The following PUM3 variants were observed in gnomAD, a reference collection of about 807,000 sequenced individuals.
PUM3 encodes pumilio RNA binding family member 3, also known as pumilio homolog 3.
A neutral mutation model predicts 84.0 loss-of-function variants in PUM3; 91 were observed. The ratio of observed to expected loss-of-function variants is 1.08; its 90% CI spans 0.91 to 1.29. The LOEUF (loss-of-function observed/expected upper bound fraction) is 1.29, where lower values mean the gene tolerates loss of function less well. Ranked by LOEUF, PUM3 falls within the 50% of genes most tolerant of loss-of-function variation. The probability of loss-of-function intolerance (pLI) is 0.00; values close to 1 mark genes in which losing one functional copy is unlikely to be tolerated. For synonymous variants in PUM3, 321 were observed against 266.7 expected (o/e 1.20, Z -1.98); for missense variants, 1,067 against 767.5 (o/e 1.39, Z -4.61).
chr9:2,804,960 A>C (rs563374722), intron 17 of PUM3, among the ~76,000 whole-genome samples: 1 of 151,954 alleles, frequency 6.6e-6, no homozygotes, highest in Non-Finnish European at 1.5e-5. Flanking sequence ...TTCTCACTGA[A>C]CTCCACAGCA....
intron 9 of PUM3, among the ~76,000 whole-genome samples, chr9:2,828,286 C>T (rs1317383039): frequency 1.3e-5 from 2 of 152,162 alleles, no homozygotes; most frequent in Non-Finnish European, 2.9e-5. Flanking sequence ...AGTGATTCTC[C>T]CAGCTTGGTT....
intron 17 of PUM3, among the ~76,000 whole-genome samples, chr9:2,806,345 T>A (rs997688218): frequency 2.4e-4 from 36 of 152,198 alleles, no homozygotes; most frequent in Non-Finnish European, 3.1e-4. Flanking sequence ...CAAAATGATC[T>A]GTAACACTTA....
chr9:2,826,376 G>A (rs550446793), intron 10 of PUM3, among the ~76,000 whole-genome samples: 1 of 152,172 alleles, frequency 6.6e-6, no homozygotes, highest in Non-Finnish European at 1.5e-5. Context: ...CAAACCATAA[G>A]CTTACGTGGG....
At chr9:2,840,585 T>A (rs189849972) in intron 1 of PUM3, among the ~76,000 whole-genome samples, 1 of 152,242 alleles carries the variant, frequency 6.6e-6, no homozygotes, top group Non-Finnish European at 1.5e-5. Flanking sequence ...ATCTTTTCCA[T>A]CTATTTACTT....
chr9:2,820,803 C>G (rs1163777362), intron 12 of PUM3, among the ~76,000 whole-genome samples: 1 of 152,068 alleles, frequency 6.6e-6, no homozygotes, highest in Non-Finnish European at 1.5e-5. Flanking sequence ...ACACATGTGG[C>G]TTTCACAACA....
chr9:2,832,633 A>G (rs1816014246), intron 5 of PUM3, among the ~76,000 whole-genome samples: 1 of 152,192 alleles, frequency 6.6e-6, no homozygotes, highest in African/African-American at 2.4e-5. Context: ...AAATATTTAT[A>G]AATTGTCGGA....
At chr9:2,808,475 T>C (rs1821304651) in intron 16 of PUM3, among the ~76,000 whole-genome samples, 1 of 152,224 alleles carries the variant, frequency 6.6e-6, no homozygotes, top group South Asian at 2.1e-4. Context: ...CCCAAGGTCG[T>C]GGTATTATCT....
chr9:2,838,305 C>T, intron 2 of PUM3, 121 bp downstream of exon 2: 3 of 729,558 alleles, frequency 4.1e-6, no homozygotes, highest in Admixed American at 2.1e-5. Context: ...CACAATAACA[C>T]ATACTTCTTC....
intron 2 of PUM3, among the ~76,000 whole-genome samples, chr9:2,837,918 A>G (rs926805402): frequency 3.3e-5 from 5 of 152,188 alleles, no homozygotes; most frequent in African/African-American, 9.6e-5. Flanking sequence ...TTATTTATCA[A>G]AAACTTTTGA....
At position 2,811,485 on chromosome 9, in the gene PUM3, T is replaced by C. The variant is rs916798207; in HGVS notation, c.1511A>G (p.Asp504Gly). 4 of 1,614,166 alleles carry C rather than the reference T, an allele frequency of 2.5e-6. No individual in the cohort carries two copies. The South Asian group carries it at 3.3e-5, about 13-fold the overall frequency. The change falls in exon 15 of 18, where the codon GAT becomes GGT. Residue 504 changes from aspartate (D) to glycine (G), a missense_variant. Coordinates refer to ENST00000397885, the MANE Select transcript of PUM3 (RefSeq NM_014878.5). ...LQEHAQEVVL[D>G]KSACVLVSDI... is the part of the protein sequence containing the mutation. The stretch of plus-strand genomic sequence containing the variant: ...AGACACCAACACACACGCAGACTTA[T>C]CTAGCACCACTTCTTGGGCGTGTTC...
intron 17 of PUM3, among the ~76,000 whole-genome samples, chr9:2,805,048 G>C (rs73639219): frequency 6.6e-6 from 1 of 152,120 alleles, no homozygotes; most frequent in East Asian, 1.9e-4. Context: ...CTACCACTCA[G>C]TAACTGTACA....
chr9:2,817,784 T>C (rs1447085727), intron 13 of PUM3, among the ~76,000 whole-genome samples: 1 of 152,216 alleles, frequency 6.6e-6, no homozygotes, highest in Non-Finnish European at 1.5e-5. Flanking sequence ...GGTGGGAGGC[T>C]GGATGTTCAC....
chr9:2,820,801 G>A (rs1821573901), intron 12 of PUM3, among the ~76,000 whole-genome samples: 2 of 152,020 alleles, frequency 1.3e-5, no homozygotes, highest in African/African-American at 4.8e-5. Context: ...ATACACATGT[G>A]GCTTTCACAA....
In PUM3 at chr9:2,829,826, T is replaced by C. The variant is rs1214719604; in HGVS notation, c.800A>G (p.Gln267Arg). 1 of 1,614,208 alleles carries C rather than the reference T, an allele frequency of 6.2e-7. No homozygotes were observed. Among genetic ancestry groups the C allele is most frequent in the African/African-American group, 1.3e-5 (1 of 75,070 alleles). ...GAGCTCTTCCGTCAGCATGTTCCTC[T>C]GCTCCAAAATGGCTTTGTCATTGTA... is the stretch of plus-strand genomic sequence containing the variant. ...YAYNDKAILE[Q>R]RNMLTEELYG... Residue 267 changes from glutamine to arginine, a missense_variant, in exon 8 of 18, where the codon CAG becomes CGG. By Grantham distance (43) the Gln-to-Arg change is conservative. Coordinates refer to ENST00000397885, the MANE Select transcript of PUM3 (RefSeq NM_014878.5).
intron 6 of PUM3, 90 bp downstream of exon 6, chr9:2,831,161 A>T: frequency 1.8e-6 from 2 of 1,084,718 alleles, no homozygotes; most frequent in Admixed American, 2.3e-5. Context: ...CCTAAACAAA[A>T]ATTGTTTTCT....
intron 1 of PUM3, among the ~76,000 whole-genome samples, chr9:2,840,886 A>G (rs1816249038): frequency 6.6e-6 from 1 of 152,222 alleles, no homozygotes; most frequent in Non-Finnish European, 1.5e-5. Flanking sequence ...CCAAGATCTG[A>G]GTGCTAGGCG....
chr9:2,827,666 T>C (rs1426813368), intron 9 of PUM3, among the ~76,000 whole-genome samples: 1 of 152,180 alleles, frequency 6.6e-6, no homozygotes, highest in Non-Finnish European at 1.5e-5. Flanking sequence ...TGGATCCAGG[T>C]GTACAGTGGA....
intron 1 of PUM3, among the ~76,000 whole-genome samples, chr9:2,840,544 T>C (rs1051187165): frequency 3.3e-5 from 5 of 152,236 alleles, no homozygotes; most frequent in African/African-American, 1.2e-4. Context: ...CCTTTGTTAT[T>C]CTCAACTTTT....
chr9:2,817,301 T>C (rs1362773808), intron 13 of PUM3, among the ~76,000 whole-genome samples: 1 of 152,202 alleles, frequency 6.6e-6, no homozygotes, highest in Non-Finnish European at 1.5e-5. Context: ...GGGTAAACTA[T>C]GGCCCATTGG....
Sources: gnomAD v4.1 joint callset for allele counts (sites outside exome capture counted in the v4.1 genomes callset) on GRCh38, gnomAD v4.1.1 for gene constraint, MANE v1.5 for transcripts, NCBI Gene and HGNC (gene_info 2026-07-23, HGNC 2026-07-21) for gene names.